The following POU2F2 variants were observed in gnomAD, a reference collection of about 807,000 sequenced individuals.
POU2F2 encodes POU class 2 homeobox 2, also known as POU domain, class 2, transcription factor 2.
In POU2F2, 14 loss-of-function variants were observed where a neutral mutation model predicts 63.5. The observed-to-expected ratio is 0.22, with a 90% CI of 0.15 to 0.34. POU2F2 has a LOEUF of 0.34. Ranked by LOEUF, POU2F2 falls within the 10% of genes least tolerant of loss-of-function variation. The probability of loss-of-function intolerance (pLI) is 1.00; values close to 1 mark genes in which losing one functional copy is unlikely to be tolerated. For missense variants in POU2F2, 607 were observed against 815.2 expected, an observed-to-expected ratio of 0.74 and a Z score of 3.11; for synonymous variants, 306 against 348.6, an observed-to-expected ratio of 0.88 and a Z score of 1.36.
intron 5 of POU2F2, among the ~76,000 whole-genome samples, chr19:42,113,857 G>A (rs866878742): frequency 3.3e-5 from 5 of 152,140 alleles, no homozygotes; most frequent in South Asian, 2.1e-4. Flanking sequence ...CCTAGGAGCC[G>A]GGGAAGGCTG....
In POU2F2 at chr19:42,092,585, TA is replaced by T. The variant is rs2146290051; in HGVS notation, c.1265-316del. Among the ~76,000 whole-genome samples, 1 of 152,292 alleles carries T rather than the reference TA, an allele frequency of 6.6e-6. No individual in the cohort carries two copies. Among genetic ancestry groups the T allele is most frequent in the African/African-American group, 2.4e-5 (1 of 41,542 alleles). ...GGAGACAAAGCCCTATGGCTCCCTC[TA>T]GGGGCTGGGGAGGGGCGAAGGGTGC... On this transcript the variant is annotated intron_variant, in intron 12 of 14. Transcript: ENST00000692977. The surrounding 1 kb of genome is among the most constrained non-coding windows in gnomAD (Gnocchi z 5.0).
intron 1 of POU2F2, among the ~76,000 whole-genome samples, chr19:42,189,195 G>A (rs1035042105): frequency 6.6e-6 from 1 of 152,070 alleles, no homozygotes; most frequent in South Asian, 2.1e-4. Context: ...CATCCATTTC[G>A]CCATCCTCTG....
intron 5 of POU2F2, among the ~76,000 whole-genome samples, chr19:42,106,762 AGAAG>A (rs1288743170): frequency 6.7e-6 from 1 of 149,820 alleles, no homozygotes; most frequent in Non-Finnish European, 1.5e-5. Flanking sequence ...GAAAAAAACA[AGAAG>A]GAGGAAGAGG....
At chr19:42,147,936 G>A (rs1364267258) in intron 2 of POU2F2, among the ~76,000 whole-genome samples, 1 of 152,134 alleles carries the variant, frequency 6.6e-6, no homozygotes, top group Non-Finnish European at 1.5e-5. Context: ...CCCAGAGGAG[G>A]AAATAAGGCT....
chr19:42,130,396 A>T (rs1241576783), intron 1 of POU2F2, among the ~76,000 whole-genome samples: 1 of 152,094 alleles, frequency 6.6e-6, no homozygotes, highest in Admixed American at 6.5e-5. Context: ...ACAGGTGTGG[A>T]GTCTGAGACC....
At chr19:42,150,753 A>G (rs113232113) in intron 2 of POU2F2, among the ~76,000 whole-genome samples, 2 of 145,500 alleles carry the variant, frequency 1.4e-5, no homozygotes, top group African/African-American at 5.1e-5. Context: ...CTGTTTTTTT[A>G]TTCTTTTAAT....
In POU2F2 at chr19:42,156,495, T is replaced by C. The variant is rs995952957; in HGVS notation, c.-9+3837A>G. On this transcript the variant is annotated intron_variant, in intron 2 of 6. Transcript: ENST00000524801. The surrounding 1 kb of genome is among the most constrained non-coding windows in gnomAD (Gnocchi z 4.1). ...CAGCTGCCAGTTACAGACCACCCTA[T>C]AGGTCCCACCACACGGCCATAGCCC... 2 of 152,786 alleles carry C rather than the reference T, an allele frequency of 1.3e-5. No homozygotes were observed. The highest frequency in any genetic ancestry group is 4.8e-5 in the African/African-American group (2 of 41,366). 9.5% of individuals were successfully genotyped at this position (152,786 alleles called of 1,614,324 possible).
chr19:42,188,315 G>A (rs2035035210), intron 1 of POU2F2, among the ~76,000 whole-genome samples: 1 of 150,664 alleles, frequency 6.6e-6, no homozygotes, highest in East Asian at 2.0e-4. Flanking sequence ...GCAGTGAGCT[G>A]AAACGGTGCC....
chr19:42,154,979 C>T (rs1444567989), intron 2 of POU2F2, among the ~76,000 whole-genome samples: 1 of 152,162 alleles, frequency 6.6e-6, no homozygotes, highest in African/African-American at 2.4e-5. Flanking sequence ...CTCCTTACCA[C>T]ACACCGCCAC....
At chr19:42,159,249 T>G (rs1019425557) in intron 2 of POU2F2, among the ~76,000 whole-genome samples, 10 of 152,116 alleles carry the variant, frequency 6.6e-5, no homozygotes, top group Non-Finnish European at 1.5e-4. Context: ...CCCTGGCAAG[T>G]CAGGGTTGCA....
intron 5 of POU2F2, among the ~76,000 whole-genome samples, chr19:42,111,177 G>A (rs1007991964): frequency 6.6e-6 from 1 of 151,988 alleles, no homozygotes; most frequent in African/African-American, 2.4e-5. Context: ...GAGTGTCATG[G>A]TGCAATCATA....
chr19:42,179,975 C>T (rs147460063), upstream of POU2F2, among the ~76,000 whole-genome samples: 1,093 of 152,172 alleles, frequency 7.2e-3, 10 homozygotes, highest in Non-Finnish European at 1.0e-2. Context: ...GGACATGGGA[C>T]CACTTAATAC....
At chr19:42,179,371 G>C (rs184270524), upstream of POU2F2, among the ~76,000 whole-genome samples, 18 of 152,254 alleles carry the variant, frequency 1.2e-4, no homozygotes, top group East Asian at 2.7e-3. Context: ...AAGGGTGAAG[G>C]GGCTCCGACC....
At chr19:42,148,625 C>T (rs1052517532) in intron 2 of POU2F2, among the ~76,000 whole-genome samples, 4 of 152,106 alleles carry the variant, frequency 2.6e-5, no homozygotes, top group Non-Finnish European at 4.4e-5. Context: ...AGATCCTCCT[C>T]ATCCTCCAAA....
At chr19:42,175,810 C>G (rs893335990) in intron 1 of POU2F2, among the ~76,000 whole-genome samples, 4 of 152,048 alleles carry the variant, frequency 2.6e-5, no homozygotes, top group Non-Finnish European at 5.9e-5. Flanking sequence ...TTTTCCACCT[C>G]TCCTCCTGCC....
chr19:42,158,844 A>G (rs1481379844), intron 2 of POU2F2, among the ~76,000 whole-genome samples: 1 of 152,150 alleles, frequency 6.6e-6, no homozygotes, highest in Non-Finnish European at 1.5e-5. Flanking sequence ...TAGCTCCCAA[A>G]CTAATTCTGC....
intron 1 of POU2F2, among the ~76,000 whole-genome samples, chr19:42,184,825 C>T (rs530706236): frequency 6.6e-6 from 1 of 152,320 alleles, no homozygotes; most frequent in African/African-American, 2.4e-5. Context: ...ACTGCTTTCT[C>T]TATGCTGGTA....
In POU2F2 at chr19:42,092,331, C is replaced by T; in HGVS notation, c.1265-61G>A. ...TTCCACTCGTCCCCCACTGAGGAAC[C>T]TGGGGTCAGCTCCTACTTGTCCTCC... On this transcript the variant is annotated intron_variant, in intron 12 of 14. Transcript: ENST00000692977. This position sits in a 1 kb window ranked among gnomAD's most constrained non-coding sequence, Gnocchi z 5.0. 1.5e-6 allele frequency: 2 copies of T among 1,290,930 alleles called. No individual in the cohort carries two copies. The highest frequency in any genetic ancestry group is 2.2e-6 in the Non-Finnish European group (2 of 910,488). 80.0% of individuals were successfully genotyped at this position (1,290,930 alleles called of 1,614,324 possible). A position where few individuals can be genotyped will look rare whatever the true frequency, so the allele number is the denominator to read the frequency against.
intron 12 of POU2F2, among the ~76,000 whole-genome samples, chr19:42,093,009 A>ATATTTTT (rs1491281554): frequency 1.5e-4 from 7 of 47,198 alleles, no homozygotes; most frequent in African/African-American, 4.1e-4. Context: ...ATATATATAT[A>ATATTTTT]TTTTTTTTTT....
Sources: allele counts gnomAD v4.1 joint callset (sites outside exome capture counted in the v4.1 genomes callset), GRCh38; gene constraint gnomAD v4.1.1; non-coding constraint Gnocchi (gnomAD v3.1); transcripts MANE v1.5; gene names NCBI Gene and HGNC (gene_info 2026-07-23, HGNC 2026-07-21).